PRKDC: variants seen among roughly 807,000 people sequenced by gnomAD.
The protein encoded by PRKDC is DNA-dependent protein kinase catalytic subunit.
Under a neutral mutation model 486.9 loss-of-function variants are expected in PRKDC, and 82 were observed. That is an observed-to-expected ratio of 0.17 (90% CI 0.14 to 0.20). PRKDC has a LOEUF of 0.20. PRKDC is among the 10% of genes least tolerant of loss of function. The probability of loss-of-function intolerance (pLI) is 1.00; values close to 1 mark genes in which losing one functional copy is unlikely to be tolerated. For synonymous variants in PRKDC, 1,895 were observed against 1,837.0 expected, an observed-to-expected ratio of 1.03 and a Z score of -0.81; for missense variants, 4,504 against 5,038.2, an observed-to-expected ratio of 0.89 and a Z score of 3.21.
chr8:47,836,319 C>G lies in PRKDC; in HGVS notation c.7951+19G>C. The G allele has an allele frequency of 6.5e-7, 1 of 1,531,566 alleles. No individual in the cohort carries two copies. The highest frequency in any genetic ancestry group is 1.3e-5 in the South Asian group (1 of 76,520). The allele number at this position is 1,531,566 out of a possible 1,614,324, so 94.9% of individuals were successfully genotyped here. ...GTCAGGGTGCTGTATACATGGCCAG[C>G]GGGCAGGGTCACTGTTACCTGCAGT... is the stretch of plus-strand genomic sequence containing the variant. On this transcript the variant is annotated intron_variant, in intron 58 of 85. Coordinates refer to ENST00000314191, the MANE Select transcript of PRKDC (RefSeq NM_006904.7).
At chr8:47,852,169 A>C (rs954589374) in intron 52 of PRKDC, among the ~76,000 whole-genome samples, 2 of 152,204 alleles carry the variant, frequency 1.3e-5, no homozygotes, top group African/African-American at 4.8e-5. Flanking sequence ...CAGTCCTCTT[A>C]TCTGAACAGC....
intron 21 of PRKDC, among the ~76,000 whole-genome samples, 191 bp from the exon 22 acceptor site, chr8:47,918,574 A>G (rs928192828): frequency 3.3e-5 from 5 of 152,226 alleles, no homozygotes; most frequent in African/African-American, 1.2e-4. Flanking sequence ...CAAAAGGAAC[A>G]TGGCTCCTTG....
chr8:47,817,060 T>C (rs1437959621), intron 68 of PRKDC, among the ~76,000 whole-genome samples: 2 of 151,880 alleles, frequency 1.3e-5, no homozygotes, highest in Non-Finnish European at 2.9e-5. Context: ...AGTTGGGAGG[T>C]AGGAGGCAAG....
rs2154501844 is a variant in PRKDC at position 47,890,164 on chromosome 8, AT to A, written c.4071+92del. ...ATAATAATAATAATAATAATGATAA[AT>A]TTTTATTAAAAGCCAAAACCCCTTC... is the stretch of plus-strand genomic sequence containing the variant. On this transcript the variant is annotated intron_variant, in intron 32 of 85. Transcript: ENST00000314191. 9.9e-6 allele frequency: 6 copies of A among 604,424 alleles called. No homozygotes were observed. The East Asian group carries it at 2.3e-4, about 23-fold the overall frequency. The allele number at this position is 604,424 out of a possible 1,614,324, so 37.4% of individuals were successfully genotyped here.
At chr8:47,931,829 G>C (rs1006348762) in intron 16 of PRKDC, among the ~76,000 whole-genome samples, 5 of 152,168 alleles carry the variant, frequency 3.3e-5, no homozygotes, top group Non-Finnish European at 5.9e-5. Flanking sequence ...AAATTACCAT[G>C]GAGTCCAGTT....
chr8:47,782,931 GTT>G lies in PRKDC; in HGVS notation c.11176-335_11176-334del, dbSNP rs2086722609. 3.1e-6 allele frequency: 1 copy of G among 318,242 alleles called. No individual in the cohort carries two copies. Among genetic ancestry groups the G allele is most frequent in the Non-Finnish European group, 5.9e-6 (1 of 168,598 alleles). 19.7% of individuals were successfully genotyped at this position (318,242 alleles called of 1,614,324 possible). On this transcript the variant is annotated intron_variant, in intron 78 of 85. Coordinates refer to ENST00000314191, the MANE Select transcript of PRKDC (RefSeq NM_006904.7). The surrounding 1 kb of genome is among the most constrained non-coding windows in gnomAD (Gnocchi z 4.9). ...TACTCACACACAGCTTACTCTTTGA[GTT>G]TATGATATCTTAAATAGAACTGTTG... is the stretch of plus-strand genomic sequence containing the variant.
chr8:47,902,061 G>C (rs113772766), intron 27 of PRKDC, among the ~76,000 whole-genome samples: 113 of 152,206 alleles, frequency 7.4e-4, no homozygotes, highest in African/African-American at 2.4e-3. Flanking sequence ...GGTGACCTAC[G>C]CTCCTTACTA....
intron 25 of PRKDC, among the ~76,000 whole-genome samples, chr8:47,905,745 T>C (rs1417502323): frequency 6.6e-6 from 1 of 152,150 alleles, no homozygotes; most frequent in African/African-American, 2.4e-5. Context: ...GGAAAACCTC[T>C]ATGGAGATAG....
At chr8:47,941,129 C>CAA (rs758700972) in intron 10 of PRKDC, among the ~76,000 whole-genome samples, 5 of 67,600 alleles carry the variant, frequency 7.4e-5, no homozygotes, top group African/African-American at 2.3e-4. Context: ...AACTCCATCT[C>CAA]AAAAAAAAAA....
intron 39 of PRKDC, among the ~76,000 whole-genome samples, chr8:47,878,969 C>T (rs1473374417): frequency 1.3e-5 from 2 of 152,202 alleles, no homozygotes; most frequent in African/African-American, 2.4e-5. Context: ...TGGTTCCAAG[C>T]ATTTCAGATA....
intron 39 of PRKDC, 98 bp downstream of exon 39, chr8:47,879,393 T>A: frequency 8.6e-7 from 1 of 1,165,250 alleles, no homozygotes; most frequent in Admixed American, 2.9e-5. Context: ...TTACAACTTC[T>A]CTGATTGTGG....
chr8:47,788,124 TATGACCCATGCTAAACAGA>T (rs2086820832), intron 76 of PRKDC, among the ~76,000 whole-genome samples: 1 of 152,206 alleles, frequency 6.6e-6, no homozygotes. Flanking sequence ...GAAAAGTCAG[TATGACCCATGCTAAACAGA>T]GAGATTGTAA....
At position 47,935,742 on chromosome 8, in the gene PRKDC, A is replaced by C; in HGVS notation, c.1437T>G (p.Ile479Met). ...AAATTGCAAACTTACCCACAGTACT[A>C]ATGCAATTCCTGAGAACTGGCCCTT... ...AAKGPVLRNCISTVVHQGLIR... is the reference protein window; with the variant it reads ...AAKGPVLRNCMSTVVHQGLIR... Residue 479 changes from isoleucine (I) to methionine (M), a missense_variant, in exon 13 of 86, where the codon ATT becomes ATG. By Grantham distance (10) the Ile-to-Met change is conservative (BLOSUM62 1). Transcript: ENST00000314191. 2.5e-6 allele frequency: 4 copies of C among 1,613,822 alleles called. No homozygotes were observed. Among genetic ancestry groups the C allele is most frequent in the Non-Finnish European group, 3.4e-6 (4 of 1,179,822 alleles).
chr8:47,847,178 T>C (rs778558645), intron 54 of PRKDC, among the ~76,000 whole-genome samples: 40 of 152,120 alleles, frequency 2.6e-4, no homozygotes, highest in Non-Finnish European at 4.7e-4. Flanking sequence ...AGAGCCCGAA[T>C]AGCCAAAACA....
At position 47,774,299 on chromosome 8, in the gene PRKDC, G is replaced by C; in HGVS notation, c.12261C>G (p.His4087Gln). Residue 4087 changes from histidine to glutamine, a missense_variant, in exon 86 of 86, where the codon CAC becomes CAG. His to Gln is a conservative substitution (Grantham distance 24, BLOSUM62 0). Around this residue, in one of 6 missense-constraint regions of PRKDC, gnomAD observed 706 missense variants for 945.0 expected, o/e 0.75. Transcript: ENST00000314191. ...TCTCTGGTTCTTGGGCACGAATGTT[G>C]TGATCTTTGCTTCCTCGTGCCACAG... is the stretch of plus-strand genomic sequence containing the variant. ...YVAVARGSKD[H>Q]NIRAQEPESG... 6.2e-7 allele frequency: 1 copy of C among 1,612,914 alleles called. No homozygotes were observed. The highest frequency in any genetic ancestry group is 8.5e-7 in the Non-Finnish European group (1 of 1,179,550).
chr8:47,897,523 A>C (rs1269187001), intron 29 of PRKDC, among the ~76,000 whole-genome samples: 1 of 152,246 alleles, frequency 6.6e-6, no homozygotes, highest in Admixed American at 6.5e-5. Context: ...GGGAAAAATT[A>C]AAAAGTTCTC....
intron 17 of PRKDC, among the ~76,000 whole-genome samples, 164 bp downstream of exon 17, chr8:47,930,508 G>C (rs45597938): frequency 1.3e-5 from 2 of 152,098 alleles, no homozygotes; most frequent in Non-Finnish European, 2.9e-5. Context: ...TCCTGACCTC[G>C]TGATCCACCT....
rs1181147156 is a variant in PRKDC at position 47,930,712 on chromosome 8, T to C, written c.1852A>G (p.Lys618Glu). The C allele has an allele frequency of 6.3e-7, 1 of 1,587,720 alleles. No homozygotes were observed. Among genetic ancestry groups the C allele is most frequent in the Admixed American group, 1.8e-5 (1 of 56,224 alleles). The change falls in exon 17 of 86, where the codon AAA becomes GAA. Residue 618 changes from lysine to glutamate, a missense_variant. This residue lies in a region of PRKDC where 1,969 missense variants were observed against 2,068.9 expected (regional missense o/e 0.95). Coordinates refer to ENST00000314191, the MANE Select transcript of PRKDC (RefSeq NM_006904.7). ...PAANLHPAKP[K>E]DFSAFINLVE... ...AGGTTAATGAAAGCCGAAAAATCTT[T>C]AGGTTTAGCTGGATGCAAGTTAGCC... is the stretch of plus-strand genomic sequence containing the variant.
intron 56 of PRKDC, among the ~76,000 whole-genome samples, chr8:47,837,722 T>C (rs1047631884): frequency 2.0e-5 from 3 of 151,626 alleles, no homozygotes; most frequent in Admixed American, 6.6e-5. Context: ...TACATAATAT[T>C]AACTATTTGA....
Sources: gnomAD v4.1 joint callset for allele counts (sites outside exome capture counted in the v4.1 genomes callset) on GRCh38, gnomAD v4.1.1 for gene constraint, gnomAD v4.1.1 regional missense constraint, Gnocchi (gnomAD v3.1) non-coding constraint, MANE v1.5 for transcripts, NCBI Gene and HGNC (gene_info 2026-07-23, HGNC 2026-07-21) for gene names.